SEMA3D: variants seen among roughly 807,000 people sequenced by gnomAD.
SEMA3D encodes semaphorin 3D.
Under a neutral mutation model 100.1 loss-of-function variants are expected in SEMA3D, and 84 were observed. The ratio of observed to expected loss-of-function variants is 0.84; its 90% CI spans 0.70 to 1.01. SEMA3D has a LOEUF of 1.01. SEMA3D is among the 50% of genes least tolerant of loss of function. SEMA3D has a pLI of 0.00. For synonymous variants in SEMA3D, 312 were observed against 320.7 expected (o/e 0.97, Z 0.29); for missense variants, 875 against 934.1 (o/e 0.94, Z 0.82).
the SEMA3D span, among the ~76,000 whole-genome samples, chr7:85,248,351 T>G: frequency 2.0e-5 from 3 of 152,150 alleles, no homozygotes; most frequent in African/African-American, 7.2e-5. Context: ...GTGGAGTAAC[T>G]GTCACACTCA....
At chr7:85,091,341 T>A (rs1218015710) in intron 4 of SEMA3D, among the ~76,000 whole-genome samples, 2 of 152,064 alleles carry the variant, frequency 1.3e-5, no homozygotes, top group Admixed American at 1.3e-4. Context: ...GCATCCTGGT[T>A]TAGAGACTTG....
intron 4 of SEMA3D, among the ~76,000 whole-genome samples, chr7:85,091,237 A>G (rs907658997): frequency 6.6e-6 from 1 of 151,906 alleles, no homozygotes. Flanking sequence ...AAAGAGAGAA[A>G]GAAAGCCAAC....
chr7:85,092,452 T>C lies in SEMA3D; in HGVS notation c.312+5353A>G, dbSNP rs77095982. Among the ~76,000 whole-genome samples the C allele has an allele frequency of 9.0e-3, 1,363 of 152,116 alleles. 21 individuals carry two copies. The highest frequency in any genetic ancestry group is 0.031 in the African/African-American group (1,296 of 41,532). On this transcript the variant is annotated intron_variant, in intron 4 of 18. Transcript: ENST00000284136. The stretch of plus-strand genomic sequence containing the variant: ...GCAAAAGAAAAAAATATTCAAAGTG[T>C]AGTCACTTATAAAGTATCCCAAGTT...
At chr7:85,043,424 T>A (rs965282318) in intron 9 of SEMA3D, among the ~76,000 whole-genome samples, 2 of 152,160 alleles carry the variant, frequency 1.3e-5, no homozygotes, top group African/African-American at 2.4e-5. Context: ...TTCCATACTT[T>A]ATTTTTACTC....
the SEMA3D span, among the ~76,000 whole-genome samples, chr7:85,202,586 T>C: frequency 6.6e-6 from 1 of 152,032 alleles, no homozygotes; most frequent in Admixed American, 6.6e-5. Flanking sequence ...TTTCGCAACC[T>C]ACTCATCTGA....
At chr7:85,195,470 T>A in the SEMA3D span, among the ~76,000 whole-genome samples, 1 of 152,068 alleles carries the variant, frequency 6.6e-6, no homozygotes, top group Non-Finnish European at 1.5e-5. Context: ...TCACCCAGAA[T>A]CTGAGTCGCT....
intron 4 of SEMA3D, among the ~76,000 whole-genome samples, chr7:85,091,678 C>A (rs1177883329): frequency 6.6e-6 from 1 of 151,868 alleles, no homozygotes; most frequent in Non-Finnish European, 1.5e-5. Context: ...TATGTCGTTT[C>A]GAATAATTTG....
In SEMA3D at chr7:85,173,031, C is replaced by G. The variant is rs977551740; in HGVS notation, c.-173+13647G>C. Among the ~76,000 whole-genome samples, 3 of 151,936 alleles carry G rather than the reference C, an allele frequency of 2.0e-5. No homozygotes were observed. The East Asian group carries it at 5.8e-4, about 29-fold the overall frequency. On this transcript the variant is annotated intron_variant, in intron 1 of 18. Transcript: ENST00000284136. ...CAAAAGAAACAAGGTTGTAATCACA[C>G]AGTGGAAGTAAACTGTGGGCAAGGA...
At chr7:85,231,698 C>G in the SEMA3D span, among the ~76,000 whole-genome samples, 6 of 152,112 alleles carry the variant, frequency 3.9e-5, no homozygotes, top group African/African-American at 1.2e-4. Flanking sequence ...GATCCGCCCC[C>G]CTCAGCCTCC....
the SEMA3D span, among the ~76,000 whole-genome samples, chr7:85,250,095 G>T: frequency 6.6e-6 from 1 of 152,036 alleles, no homozygotes; most frequent in Non-Finnish European, 1.5e-5. Context: ...CCTAGTCAAA[G>T]AAAGGGGTGA....
At chr7:85,178,811 A>G (rs1488777071) in intron 1 of SEMA3D, among the ~76,000 whole-genome samples, 1 of 152,230 alleles carries the variant, frequency 6.6e-6, no homozygotes, top group Non-Finnish European at 1.5e-5. Context: ...TTCCTGTCAC[A>G]GGCCTGGAGG....
intron 4 of SEMA3D, among the ~76,000 whole-genome samples, chr7:85,084,780 A>G (rs1218367955): frequency 6.6e-6 from 1 of 152,038 alleles, no homozygotes; most frequent in Admixed American, 6.6e-5. Flanking sequence ...ACACTCCAAA[A>G]TGTCCCACCG....
At chr7:85,212,795 A>AT in the SEMA3D span, among the ~76,000 whole-genome samples, 1 of 151,872 alleles carries the variant, frequency 6.6e-6, no homozygotes, top group African/African-American at 2.4e-5. Context: ...TTTACTCTTT[A>AT]TTTTTAGGTA....
chr7:85,108,995 T>C (rs1562821585), intron 3 of SEMA3D, among the ~76,000 whole-genome samples: 1 of 151,988 alleles, frequency 6.6e-6, no homozygotes, highest in Non-Finnish European at 1.5e-5. Flanking sequence ...TCAAATATCT[T>C]TGCTGTTATC....
At chr7:85,158,037 A>G (rs1002706100) in intron 1 of SEMA3D, among the ~76,000 whole-genome samples, 1 of 152,134 alleles carries the variant, frequency 6.6e-6, no homozygotes, top group Non-Finnish European at 1.5e-5. Context: ...TCTTAATCCT[A>G]TCATCTTCGC....
intron 1 of SEMA3D, among the ~76,000 whole-genome samples, chr7:85,155,122 C>T (rs1212406928): frequency 6.6e-6 from 1 of 151,938 alleles, no homozygotes; most frequent in East Asian, 1.9e-4. Flanking sequence ...TGTACACCCA[C>T]ACCTAGATTC....
intron 9 of SEMA3D, among the ~76,000 whole-genome samples, chr7:85,053,655 T>A (rs954404059): frequency 6.6e-6 from 1 of 151,980 alleles, no homozygotes; most frequent in African/African-American, 2.4e-5. Flanking sequence ...ATGGGCAGCA[T>A]GTGATGCAAC....
chr7:85,192,410 G>A, the SEMA3D span, among the ~76,000 whole-genome samples: 2 of 151,788 alleles, frequency 1.3e-5, no homozygotes, highest in East Asian at 3.9e-4. Flanking sequence ...AAAGTTAAGC[G>A]ACTTAAAAAT....
At chr7:85,207,743 C>T in the SEMA3D span, among the ~76,000 whole-genome samples, 1 of 151,860 alleles carries the variant, frequency 6.6e-6, no homozygotes, top group African/African-American at 2.4e-5. Flanking sequence ...ATCATGTTAC[C>T]TTCATGAAAA....
Sources: gnomAD v4.1 joint callset for allele counts (sites outside exome capture counted in the v4.1 genomes callset) on GRCh38, gnomAD v4.1.1 for gene constraint, MANE v1.5 for transcripts, NCBI Gene and HGNC (gene_info 2026-07-23, HGNC 2026-07-21) for gene names.